Variants in GRAMD1B observed in about 807,000 individuals in gnomAD.
GRAMD1B encodes the protein GRAM domain containing 1B.
In GRAMD1B, 37 loss-of-function variants were observed where a neutral mutation model predicts 99.7. That is an observed-to-expected ratio of 0.37 (90% CI 0.29 to 0.49). GRAMD1B has a LOEUF of 0.49. Among genes scored for constraint, GRAMD1B ranks in the 20% least tolerant of loss-of-function variants. The pLI, the probability that GRAMD1B is intolerant of heterozygous loss-of-function variation, is 0.98. For missense variants in GRAMD1B, 888 were observed against 1,009.2 expected (o/e 0.88, Z 1.63); for synonymous variants, 427 against 387.6 (o/e 1.10, Z -1.19).
intron 2 of GRAMD1B, among the ~76,000 whole-genome samples, chr11:123,522,048 A>T (rs1361587107): frequency 6.6e-6 from 1 of 152,134 alleles, no homozygotes; most frequent in African/African-American, 2.4e-5. Flanking sequence ...AACAATTCTT[A>T]TCCTTCCTGA....
chr11:123,380,651 A>G (rs1241654585), intron 1 of GRAMD1B, among the ~76,000 whole-genome samples: 1 of 152,126 alleles, frequency 6.6e-6, no homozygotes, highest in Non-Finnish European at 1.5e-5. Context: ...GCTGCTGCCC[A>G]CCGCCGTTTC....
chr11:123,421,342 T>G (rs781478873), intron 1 of GRAMD1B, among the ~76,000 whole-genome samples: 4 of 152,256 alleles, frequency 2.6e-5, no homozygotes, highest in Non-Finnish European at 5.9e-5. Flanking sequence ...AAATGCAGAC[T>G]GACTGTTAGG....
chr11:123,471,323 A>AAGAGC (rs1253969029), intron 1 of GRAMD1B, among the ~76,000 whole-genome samples: 2 of 152,228 alleles, frequency 1.3e-5, no homozygotes, highest in Non-Finnish European at 2.9e-5. Context: ...TAAACTCCTT[A>AAGAGC]AGAGCAGAGA....
chr11:123,617,719 G>T (rs919406732), intron 17 of GRAMD1B, among the ~76,000 whole-genome samples: 2 of 152,172 alleles, frequency 1.3e-5, no homozygotes, highest in African/African-American at 4.8e-5. Flanking sequence ...GCCAGGGTTT[G>T]CATCCAGTTT....
chr11:123,420,971 A>G (rs1393256586), intron 1 of GRAMD1B, among the ~76,000 whole-genome samples: 4 of 152,196 alleles, frequency 2.6e-5, no homozygotes, highest in African/African-American at 9.7e-5. Flanking sequence ...TCTAATCTAT[A>G]CCTGACTGAA....
intron 3 of GRAMD1B, chr11:123,578,419 C>T (rs1948968681): frequency 8.5e-6 from 13 of 1,531,728 alleles, no homozygotes; most frequent in African/African-American, 2.7e-5. Context: ...GTCTCACAAG[C>T]GCCTCTCAAA....
chr11:123,368,679 C>CAAAAAAAAAAAAAAAAAAAAAAAAAAA (rs58877377), intron 1 of GRAMD1B, among the ~76,000 whole-genome samples: 1 of 78,062 alleles, frequency 1.3e-5, no homozygotes, highest in African/African-American at 5.4e-5. Flanking sequence ...GACTCTGTCT[C>CAAAAAAAAAAAAAAAAAAAAAAAAAAA]AAAAAAAAAA....
intron 1 of GRAMD1B, among the ~76,000 whole-genome samples, chr11:123,442,864 C>A (rs1383850101): frequency 6.6e-6 from 1 of 151,738 alleles, no homozygotes; most frequent in East Asian, 1.9e-4. Context: ...TATGCCCCCC[C>A]CCACCCCTTT....
intron 1 of GRAMD1B, among the ~76,000 whole-genome samples, chr11:123,473,842 T>C (rs1324171212): frequency 6.6e-6 from 1 of 152,250 alleles, no homozygotes; most frequent in Non-Finnish European, 1.5e-5. Flanking sequence ...TGTTTACTTA[T>C]TTTCTATTAT....
intron 14 of GRAMD1B, among the ~76,000 whole-genome samples, chr11:123,612,037 G>A (rs1188482437): frequency 6.6e-6 from 1 of 152,170 alleles, no homozygotes; most frequent in Non-Finnish European, 1.5e-5. Flanking sequence ...AAGAGCTGGT[G>A]AGGTCTGGGG....
chr11:123,612,891 C>T, intron 15 of GRAMD1B, 27 bp downstream of exon 15: 4 of 1,327,890 alleles, frequency 3.0e-6, no homozygotes, highest in Non-Finnish European at 4.3e-6. Flanking sequence ...TTGCTGCTAG[C>T]TGGGCTGCAG....
At chr11:123,578,539 G>A in intron 3 of GRAMD1B, 2 of 796,204 alleles carry the variant, frequency 2.5e-6, no homozygotes. Flanking sequence ...CTTATATCCT[G>A]CTTGGTCCCT....
intron 2 of GRAMD1B, among the ~76,000 whole-genome samples, chr11:123,498,926 A>G (rs1939582119): frequency 6.6e-6 from 1 of 152,202 alleles, no homozygotes; most frequent in Admixed American, 6.5e-5. Context: ...AGCAGTGCTG[A>G]TAAAGAAAAT....
intron 2 of GRAMD1B, among the ~76,000 whole-genome samples, chr11:123,554,363 A>G (rs1945929222): frequency 6.6e-6 from 1 of 152,084 alleles, no homozygotes; most frequent in South Asian, 2.1e-4. Context: ...GACAGAAACC[A>G]CACCAATAAT....
intron 1 of GRAMD1B, among the ~76,000 whole-genome samples, chr11:123,424,560 C>A (rs1948581004): frequency 6.6e-6 from 1 of 152,212 alleles, no homozygotes. Context: ...ATGTCTCACC[C>A]TATGCTCTGA....
intron 2 of GRAMD1B, among the ~76,000 whole-genome samples, chr11:123,514,058 T>A (rs942377773): frequency 6.6e-6 from 1 of 151,910 alleles, no homozygotes; most frequent in Admixed American, 6.6e-5. Flanking sequence ...GTGGAGAGAG[T>A]TCAGTATGGA....
At chr11:123,367,638 C>T (rs563678541) in intron 1 of GRAMD1B, among the ~76,000 whole-genome samples, 8 of 151,892 alleles carry the variant, frequency 5.3e-5, no homozygotes, top group African/African-American at 1.7e-4. Context: ...TTGGAGCCTG[C>T]TTGTGAAGGT....
At chr11:123,373,289 G>C (rs1287878706) in intron 1 of GRAMD1B, among the ~76,000 whole-genome samples, 2 of 152,146 alleles carry the variant, frequency 1.3e-5, no homozygotes, top group African/African-American at 4.8e-5. Context: ...AGGGTGTGGG[G>C]GTGTAGATGA....
In GRAMD1B at chr11:123,603,691, G is replaced by A. The variant is rs979811666; in HGVS notation, c.1166+150G>A. On this transcript the variant is annotated intron_variant, in intron 9 of 19. Transcript: ENST00000635736. ...GGAAAGTGGTCACAGGTGAGGTCAGGGAGCTCGAGGGGGCAGAGCCTAAGG... is the reference window on the plus strand; with the variant it reads ...GGAAAGTGGTCACAGGTGAGGTCAGAGAGCTCGAGGGGGCAGAGCCTAAGG... The A allele has an allele frequency of 1.4e-5, 9 of 638,608 alleles. No individual in the cohort carries two copies. The African/African-American group carries it at 1.5e-4, about 10-fold the overall frequency. 39.6% of individuals were successfully genotyped at this position (638,608 alleles called of 1,614,324 possible).
Sources: allele counts gnomAD v4.1 joint callset (sites outside exome capture counted in the v4.1 genomes callset), GRCh38; gene constraint gnomAD v4.1.1; transcripts MANE v1.5; gene names NCBI Gene and HGNC (gene_info 2026-07-23, HGNC 2026-07-21).